The following GNAQ variants were observed in gnomAD, a reference collection of about 807,000 sequenced individuals.
The protein encoded by GNAQ is guanine nucleotide-binding protein G(q) subunit alpha.
A neutral mutation model predicts 43.9 loss-of-function variants in GNAQ; 8 were observed. The ratio of observed to expected loss-of-function variants is 0.18; its 90% CI spans 0.11 to 0.33. The LOEUF (loss-of-function observed/expected upper bound fraction) is 0.33, where lower values mean the gene tolerates loss of function less well. Among genes scored for constraint, GNAQ ranks in the 10% least tolerant of loss-of-function variants. GNAQ has a pLI of 1.00. For synonymous variants in GNAQ, 155 were observed against 170.7 expected, an observed-to-expected ratio of 0.91 and a Z score of 0.71; for missense variants, 158 against 450.8, an observed-to-expected ratio of 0.35 and a Z score of 5.88.
intron 5 of GNAQ, among the ~76,000 whole-genome samples, chr9:77,762,540 G>T (rs1161665159): frequency 6.8e-6 from 1 of 146,502 alleles, no homozygotes; most frequent in African/African-American, 2.5e-5. Context: ...CTGCCCGGCC[G>T]CCCCTACTGG....
At chr9:77,806,663 C>A (rs1387441966) in intron 3 of GNAQ, among the ~76,000 whole-genome samples, 1 of 152,128 alleles carries the variant, frequency 6.6e-6, no homozygotes, top group African/African-American at 2.4e-5. Flanking sequence ...TTTGAACAGG[C>A]AGAATAGGAC....
At chr9:77,748,975 G>C (rs1355999527) in intron 5 of GNAQ, among the ~76,000 whole-genome samples, 1 of 152,124 alleles carries the variant, frequency 6.6e-6, no homozygotes, top group East Asian at 1.9e-4. Context: ...GAGTTCTGAA[G>C]GAAGGCCATA....
chr9:77,922,713 C>T lies in GNAQ; in HGVS notation c.137-368G>A, dbSNP rs568160432. Among the ~76,000 whole-genome samples, 3 of 152,292 alleles carry T rather than the reference C, an allele frequency of 2.0e-5. No individual in the cohort carries two copies. The East Asian group carries it at 5.8e-4, about 29-fold the overall frequency. ...TGTTCCCTGGAGAATATCTGAAACGCTTCCAGGACACTGGGTTGATTAGCC... is the reference window on the plus strand; with the variant it reads ...TGTTCCCTGGAGAATATCTGAAACGTTTCCAGGACACTGGGTTGATTAGCC... On this transcript the variant is annotated intron_variant, in intron 1 of 6. Transcript: ENST00000286548.
intron 2 of GNAQ, among the ~76,000 whole-genome samples, chr9:77,877,416 C>A (rs924981812): frequency 5.7e-4 from 87 of 152,148 alleles, no homozygotes; most frequent in African/African-American, 1.4e-3. Context: ...CTCATCAGTT[C>A]TTTTCAAGGA....
rs184043672 is a variant in GNAQ at position 77,733,347 on chromosome 9, A to G, written c.736-4680T>C. Among the ~76,000 whole-genome samples the G allele has an allele frequency of 1.7e-3, 262 of 152,310 alleles. 1 individual carries two copies. The highest frequency in any genetic ancestry group is 1.9e-3 in the Non-Finnish European group (126 of 68,026). ...CTTTTTAATGCATTTCCCTGTTAAC[A>G]TGTAATTGACTAAGGCTGCCTACAG... On this transcript the variant is annotated intron_variant, in intron 5 of 6. Transcript: ENST00000286548.
At chr9:77,761,847 GT>G (rs1379730263) in intron 5 of GNAQ, among the ~76,000 whole-genome samples, 5 of 50,796 alleles carry the variant, frequency 9.8e-5, no homozygotes, top group Admixed American at 2.0e-4. Context: ...CGGGAGGGAG[GT>G]GGGGGGGGTC....
chr9:77,986,183 C>T (rs1195137750), intron 1 of GNAQ, among the ~76,000 whole-genome samples: 1 of 152,078 alleles, frequency 6.6e-6, no homozygotes, highest in African/African-American at 2.4e-5. Context: ...TGCAAGATAT[C>T]TGGCTCATAC....
At chr9:77,834,173 C>T (rs990833847) in intron 2 of GNAQ, among the ~76,000 whole-genome samples, 2 of 152,166 alleles carry the variant, frequency 1.3e-5, no homozygotes, top group African/African-American at 4.8e-5. Context: ...TGCTGAAATA[C>T]AGCAGTTTGA....
chr9:77,997,144 G>A (rs915859905), intron 1 of GNAQ, among the ~76,000 whole-genome samples: 5 of 152,156 alleles, frequency 3.3e-5, no homozygotes, highest in Non-Finnish European at 5.9e-5. Flanking sequence ...TAGGTGATGC[G>A]CATGCCCATA....
intron 5 of GNAQ, among the ~76,000 whole-genome samples, chr9:77,733,150 C>CCTG (rs1195582555): frequency 2.0e-5 from 3 of 152,090 alleles, no homozygotes; most frequent in Non-Finnish European, 4.4e-5. Context: ...AAGATGGGTA[C>CCTG]CTGCTCCCTG....
chr9:77,738,649 T>C (rs557127789), intron 5 of GNAQ, among the ~76,000 whole-genome samples: 3 of 152,326 alleles, frequency 2.0e-5, no homozygotes, highest in South Asian at 4.1e-4. Context: ...TGTACCATTG[T>C]TGTCTCACTC....
At chr9:77,953,340 C>A (rs529129686) in intron 1 of GNAQ, among the ~76,000 whole-genome samples, 28 of 152,348 alleles carry the variant, frequency 1.8e-4, no homozygotes, top group Middle Eastern at 3.4e-3. Flanking sequence ...AAAATCATCT[C>A]TGGGTGTTTA....
chr9:77,719,688 C>G lies in GNAQ; in HGVS notation c.*1635G>C. ...ACAATCATGATTTATTTTCTTAAATCAAATTTCAACTCAAGCTGCTTGACA... is the reference window on the plus strand; with the variant it reads ...ACAATCATGATTTATTTTCTTAAATGAAATTTCAACTCAAGCTGCTTGACA... On this transcript the variant is annotated 3_prime_UTR_variant, in exon 7 of 7. Transcript: ENST00000286548. 4.3e-6 allele frequency: 1 copy of G among 232,734 alleles called. No individual in the cohort carries two copies. The highest frequency in any genetic ancestry group is 8.5e-6 in the Non-Finnish European group (1 of 117,754). 14.4% of individuals were successfully genotyped at this position (232,734 alleles called of 1,614,324 possible).
At chr9:77,925,129 A>G (rs566886867) in intron 1 of GNAQ, among the ~76,000 whole-genome samples, 4 of 152,124 alleles carry the variant, frequency 2.6e-5, no homozygotes, top group Non-Finnish European at 5.9e-5. Flanking sequence ...GCTTGGCCCC[A>G]GGTTACTGCA....
intron 6 of GNAQ, among the ~76,000 whole-genome samples, chr9:77,726,833 C>T (rs1825402869): frequency 6.6e-6 from 1 of 152,164 alleles, no homozygotes. Context: ...CAAAGTGGAA[C>T]TTTTCAGAGC....
chr9:78,030,683 C>T (rs1824041051), intron 1 of GNAQ: 1 of 404,340 alleles, frequency 2.5e-6, no homozygotes, highest in African/African-American at 2.0e-5. Flanking sequence ...CGGCTCCCCA[C>T]GCCACCACCC....
intron 5 of GNAQ, among the ~76,000 whole-genome samples, chr9:77,772,792 A>G (rs966309091): frequency 2.1e-4 from 32 of 152,218 alleles, no homozygotes; most frequent in African/African-American, 7.7e-4. Flanking sequence ...GATAACAAAT[A>G]TATGTTATAG....
At chr9:77,796,599 G>A (rs1357024410) in intron 4 of GNAQ, among the ~76,000 whole-genome samples, 1 of 152,176 alleles carries the variant, frequency 6.6e-6, no homozygotes, top group Non-Finnish European at 1.5e-5. Flanking sequence ...CAGAACACCA[G>A]CAGTGAGAGA....
chr9:77,762,463 G>A (rs1296641063), intron 5 of GNAQ, among the ~76,000 whole-genome samples: 11 of 143,120 alleles, frequency 7.7e-5, no homozygotes, highest in Middle Eastern at 3.5e-3. Context: ...CGCCCCATCC[G>A]GGAGGGAGGT....
Sources: allele counts gnomAD v4.1 joint callset (sites outside exome capture counted in the v4.1 genomes callset), GRCh38; gene constraint gnomAD v4.1.1; transcripts MANE v1.5; gene names NCBI Gene and HGNC (gene_info 2026-07-23, HGNC 2026-07-21).